MTIF2: variants seen among roughly 807,000 people sequenced by gnomAD.
MTIF2 encodes translation initiation factor IF-2, mitochondrial.
Under a neutral mutation model 83.5 loss-of-function variants are expected in MTIF2, and 71 were observed. The ratio of observed to expected loss-of-function variants is 0.85; its 90% CI spans 0.70 to 1.04. The LOEUF (loss-of-function observed/expected upper bound fraction) is 1.04. MTIF2 is among the 50% of genes least tolerant of loss of function. The pLI is 0.00. For missense variants in MTIF2, 957 were observed against 846.5 expected, an observed-to-expected ratio of 1.13 and a Z score of -1.62; for synonymous variants, 319 against 287.1, an observed-to-expected ratio of 1.11 and a Z score of -1.12.
intron 5 of MTIF2, among the ~76,000 whole-genome samples, chr2:55,260,877 T>A (rs1677915374): frequency 1.3e-5 from 2 of 152,092 alleles, no homozygotes; most frequent in African/African-American, 4.8e-5. Context: ...GTTTCAAAAA[T>A]CCTAAATTGG....
intron 15 of MTIF2, 122 bp from the exon 16 acceptor site, chr2:55,236,942 A>G: frequency 1.2e-6 from 1 of 831,706 alleles, no homozygotes; most frequent in Non-Finnish European, 1.7e-6. Context: ...TGGTCTTGTC[A>G]AGTTAAATGA....
Position 55,246,321 on chromosome 2 carries a change from A to T in MTIF2, c.1106+16T>A, listed in dbSNP as rs753676266. The T allele has an allele frequency of 1.3e-6, 2 of 1,588,628 alleles. No homozygotes were observed. The highest frequency in any genetic ancestry group is 2.7e-5 in the African/African-American group (2 of 74,248). ...CACAGAACAAATTAAAAAGGCAAGCATTTTAAGAGTCCTACCCTCTTCCTT... is the reference window on the plus strand; with the variant it reads ...CACAGAACAAATTAAAAAGGCAAGCTTTTTAAGAGTCCTACCCTCTTCCTT... On this transcript the variant is annotated intron_variant, in intron 10 of 15. Transcript: ENST00000263629.
intron 5 of MTIF2, among the ~76,000 whole-genome samples, chr2:55,255,917 C>T (rs1433916722): frequency 6.6e-6 from 1 of 151,722 alleles, no homozygotes; most frequent in Non-Finnish European, 1.5e-5. Flanking sequence ...GCTTTTGTTA[C>T]CCAGGCTGAA....
chr2:55,262,531 CT>C (rs531485959), intron 4 of MTIF2, 104 bp from the exon 5 acceptor site: 15 of 327,980 alleles, frequency 4.6e-5, no homozygotes, highest in African/African-American at 8.8e-5. Context: ...ACATTTCTTT[CT>C]TTTTTTTTCT....
In MTIF2 at chr2:55,236,695, C is replaced by G. The variant is rs757773137; in HGVS notation, c.2137G>C (p.Glu713Gln). The G allele has an allele frequency of 1.2e-6, 2 of 1,603,424 alleles. No homozygotes were observed. Among genetic ancestry groups the G allele is most frequent in the Non-Finnish European group, 1.7e-6 (2 of 1,177,074 alleles). The change falls in exon 16 of 16, where the codon GAA becomes CAA. Residue 713 changes from glutamate (E) to glutamine (Q), a missense_variant. Physicochemically the swap from Glu to Gln is conservative, Grantham distance 29. Coordinates refer to ENST00000263629, the MANE Select transcript of MTIF2 (RefSeq NM_002453.3). The stretch of plus-strand genomic sequence containing the variant: ...GTCTTGGCTTGAATTTGCTTTTCTT[C>G]ATAACAAACAATTCTGTCTCCCACT... ...FQVGDRIVCY[E>Q]EKQIQAKTSW...
rs66500251 is a variant in MTIF2 at position 55,262,541 on chromosome 2, CTTTTTTTTT to C, written c.220-123_220-115del. On this transcript the variant is annotated intron_variant, in intron 4 of 15. Coordinates refer to ENST00000263629, the MANE Select transcript of MTIF2 (RefSeq NM_002453.3). ...TAGCTACATTTCTTTCTTTTTTTTT[CTTTTTTTTT>C]TTTTTTTTTTGAGACAGACTCTTGC... The C allele has an allele frequency of 1.8e-3, 516 of 285,204 alleles. 3 individuals carry two copies. The highest frequency in any genetic ancestry group is 0.015 in the African/African-American group (450 of 30,650). 17.7% of individuals were successfully genotyped at this position (285,204 alleles called of 1,614,324 possible). A position where few individuals can be genotyped will look rare whatever the true frequency, so the allele number is the denominator to read the frequency against.
chr2:55,261,302 T>C (rs1677965586), intron 5 of MTIF2, among the ~76,000 whole-genome samples: 2 of 152,052 alleles, frequency 1.3e-5, no homozygotes, highest in Non-Finnish European at 2.9e-5. Flanking sequence ...GCCTTACAGA[T>C]ATTGTCAAAA....
intron 10 of MTIF2, among the ~76,000 whole-genome samples, chr2:55,246,059 G>A (rs951674413): frequency 3.3e-5 from 5 of 152,198 alleles, no homozygotes; most frequent in Middle Eastern, 3.4e-3. Context: ...CAATTCAGTC[G>A]AGTCAGTGAG....
At position 55,237,388 on chromosome 2, in the gene MTIF2, C is replaced by T. The variant is rs1376201336; in HGVS notation, c.1911G>A (p.Gly637=). The part of the protein sequence containing the change: ...SILATFSVTE[G]KKKVPVAGCR... ...AGCCAGCCACAGGAACTTTTTTCTTCCCTTCTGTTACAGAGAAGGTAGCTA... is the reference window on the plus strand; with the variant it reads ...AGCCAGCCACAGGAACTTTTTTCTTTCCTTCTGTTACAGAGAAGGTAGCTA... Residue 637 remains glycine (G), a synonymous_variant, in exon 15 of 16, where the codon GGG becomes GGA. Coordinates refer to ENST00000263629, the MANE Select transcript of MTIF2 (RefSeq NM_002453.3). 2 of 1,612,496 alleles carry T rather than the reference C, an allele frequency of 1.2e-6. No individual in the cohort carries two copies. The highest frequency in any genetic ancestry group is 1.3e-5 in the African/African-American group (1 of 74,808).
At chr2:55,254,335 TC>T (rs1677346776) in intron 6 of MTIF2, 134 bp from the exon 7 acceptor site, 6 of 942,854 alleles carry the variant, frequency 6.4e-6, no homozygotes, top group Non-Finnish European at 8.7e-6. Flanking sequence ...TAGACCTATT[TC>T]CCCCTCCTAT....
chr2:55,261,324 G>C (rs1677967591), intron 5 of MTIF2, among the ~76,000 whole-genome samples: 2 of 152,130 alleles, frequency 1.3e-5, no homozygotes, highest in African/African-American at 4.8e-5. Context: ...GAGAGAAAAG[G>C]CTGGGCATGG....
At chr2:55,246,578 C>A in intron 9 of MTIF2, 117 bp from the exon 10 acceptor site, 3 of 812,032 alleles carry the variant, frequency 3.7e-6, no homozygotes, top group South Asian at 2.0e-5. Context: ...TCTCTTTAAT[C>A]ATTGAAAGCA....
At chr2:55,267,049 C>T (rs933735302) in intron 3 of MTIF2, among the ~76,000 whole-genome samples, 2 of 151,808 alleles carry the variant, frequency 1.3e-5, no homozygotes, top group Non-Finnish European at 2.9e-5. Flanking sequence ...GGATTACAGG[C>T]GTGAGCCACC....
In MTIF2 at chr2:55,263,718, T is replaced by A; in HGVS notation, c.141A>T (p.Gln47His). The change falls in exon 4 of 16, where the codon CAA becomes CAT. Residue 47 changes from glutamine to histidine, a missense_variant. By Grantham distance (24) the Gln-to-His change is conservative. Transcript: ENST00000263629. ...FSSAYPVWTA[Q>H]LCAWPWPTDV... ...CTGTTGGCCAGGGCCAGGCACACAG[T>A]TGAGCTGTCCACACAGGGTAAGCAG... The A allele has an allele frequency of 6.2e-7, 1 of 1,614,168 alleles. No homozygotes were observed. The highest frequency in any genetic ancestry group is 1.1e-5 in the South Asian group (1 of 91,084).
At chr2:55,268,155 AGGC>A (rs2104498460) in intron 2 of MTIF2, among the ~76,000 whole-genome samples, 1 of 152,238 alleles carries the variant, frequency 6.6e-6, no homozygotes, top group South Asian at 2.1e-4. Flanking sequence ...TGGGAGGCTG[AGGC>A]AGGAGAATCG....
Position 55,263,797 on chromosome 2 carries a change from A to G in MTIF2, c.62T>C (p.Leu21Pro), listed in dbSNP as rs1678225738. The G allele has an allele frequency of 1.9e-6, 3 of 1,614,048 alleles. No individual in the cohort carries two copies. The highest frequency in any genetic ancestry group is 1.3e-5 in the African/African-American group (1 of 74,912). ...LLRFHTIYRQLHSLCQRRALR... is the reference protein window; with the variant it reads ...LLRFHTIYRQPHSLCQRRALR... ...TGCTCTTCTTTGACACAGACTGTGC[A>G]GTTGCCTATAAATAGTGTGAAATCG... is the stretch of plus-strand genomic sequence containing the variant. Residue 21 changes from leucine (L) to proline (P), a missense_variant, in exon 4 of 16, where the codon CTG (leucine) becomes CCG (proline). Leu to Pro is a moderately conservative substitution (Grantham distance 98). This residue lies in a region of MTIF2 where 733 missense variants were observed against 648.7 expected (regional missense o/e 1.13). Coordinates refer to ENST00000263629, the MANE Select transcript of MTIF2 (RefSeq NM_002453.3).
rs1573893825 is a variant in MTIF2, at chr2:55,254,176, T to G, written c.529A>C (p.Thr177Pro). Residue 177 changes from threonine (T) to proline (P), a missense_variant, in exon 7 of 16, where the codon ACC (threonine) becomes CCC (proline). Transcript: ENST00000263629. ...ATAGTAACAACTGGGGACCTTGGGG[T>G]TAATAAAGCTGGATCTGCCTGGGGC... Reference protein sequence around the residue: ...RRPQADPALLTPRSPVVTIMG... With the variant: ...RRPQADPALLPPRSPVVTIMG... 1 of 1,613,840 alleles carries G rather than the reference T, an allele frequency of 6.2e-7. No homozygotes were observed. The highest frequency in any genetic ancestry group is 8.5e-7 in the Non-Finnish European group (1 of 1,179,942).
intron 8 of MTIF2, among the ~76,000 whole-genome samples, chr2:55,251,724 A>G (rs923396536): frequency 6.6e-6 from 1 of 152,148 alleles, no homozygotes; most frequent in Non-Finnish European, 1.5e-5. Context: ...CCCGGGTTCA[A>G]GTGATTCTCC....
At chr2:55,256,301 T>TACACACAC (rs59068934) in intron 5 of MTIF2, among the ~76,000 whole-genome samples, 9 of 149,934 alleles carry the variant, frequency 6.0e-5, no homozygotes, top group Admixed American at 4.7e-4. Flanking sequence ...TACACACATA[T>TACACACAC]ACACACACAC....
Sources: gnomAD v4.1 joint callset for allele counts (sites outside exome capture counted in the v4.1 genomes callset) on GRCh38, gnomAD v4.1.1 for gene constraint, gnomAD v4.1.1 regional missense constraint, MANE v1.5 for transcripts, NCBI Gene and HGNC (gene_info 2026-07-23, HGNC 2026-07-21) for gene names.